CHMP4B: variants seen among roughly 807,000 people sequenced by gnomAD.
The protein encoded by CHMP4B is charged multivesicular body protein 4B, also known as SNF7 homolog associated with Alix 1.
Under a neutral mutation model 25.1 loss-of-function variants are expected in CHMP4B, and 1 was observed. The observed-to-expected ratio is 0.04, with a 90% CI of 0.01 to 0.19. The LOEUF (loss-of-function observed/expected upper bound fraction) is 0.19. Ranked by LOEUF, CHMP4B falls within the 10% of genes least tolerant of loss-of-function variation. The pLI, the probability that CHMP4B is intolerant of heterozygous loss-of-function variation, is 1.00. For synonymous variants in CHMP4B, 101 were observed against 115.6 expected (o/e 0.87, Z 0.81); for missense variants, 151 against 289.7 (o/e 0.52, Z 3.48).
intron 1 of CHMP4B, 51 bp from the exon 2 acceptor site, chr20:33,848,416 A>C (rs750299005): frequency 6.3e-7 from 1 of 1,595,582 alleles, no homozygotes. Flanking sequence ...TGACACTAGA[A>C]CCTCACCCTG....
chr20:33,819,990 AC>A (rs1403041943), intron 1 of CHMP4B, among the ~76,000 whole-genome samples: 1 of 150,214 alleles, frequency 6.7e-6, no homozygotes, highest in African/African-American at 2.5e-5. Context: ...ACATGGTGAA[AC>A]CCCATCTCTA....
chr20:33,821,833 C>T (rs977646482), intron 1 of CHMP4B, among the ~76,000 whole-genome samples: 1 of 151,906 alleles, frequency 6.6e-6, no homozygotes, highest in Non-Finnish European at 1.5e-5. Context: ...TTCTTTCTTT[C>T]TTTCTTTGTC....
chr20:33,842,710 C>G (rs1157921126), intron 1 of CHMP4B, among the ~76,000 whole-genome samples: 1 of 152,196 alleles, frequency 6.6e-6, no homozygotes, highest in Admixed American at 6.5e-5. Context: ...AAAGCAGCAG[C>G]CCTCTTCCCT....
chr20:33,853,254 C>T (rs1180857315), intron 4 of CHMP4B, among the ~76,000 whole-genome samples: 1 of 152,160 alleles, frequency 6.6e-6, no homozygotes, highest in East Asian at 1.9e-4. Flanking sequence ...GTGTAGAATC[C>T]TTGTTTTGTC....
chr20:33,846,021 T>G (rs777432966), intron 1 of CHMP4B, among the ~76,000 whole-genome samples: 1 of 152,112 alleles, frequency 6.6e-6, no homozygotes, highest in Non-Finnish European at 1.5e-5. Flanking sequence ...CTACTGAGGA[T>G]TTTTCAGCAA....
chr20:33,811,916 CT>C (rs1208331521), intron 1 of CHMP4B, among the ~76,000 whole-genome samples: 1 of 152,174 alleles, frequency 6.6e-6, no homozygotes, highest in Non-Finnish European at 1.5e-5. Context: ...AGACCCCAAT[CT>C]CACAGCACTT....
chr20:33,853,787 T>G lies in CHMP4B; in HGVS notation c.*227T>G. Reference sequence around the variant, plus strand: ...GGGCGGGGTGGGAAGTGCCTGCTGTTTATAATGTTGAATTTCTGTAAAATA... The same window carrying G: ...GGGCGGGGTGGGAAGTGCCTGCTGTGTATAATGTTGAATTTCTGTAAAATA... On this transcript the variant is annotated 3_prime_UTR_variant, in exon 5 of 5. Coordinates refer to ENST00000217402, the MANE Select transcript of CHMP4B (RefSeq NM_176812.5). The G allele has an allele frequency of 1.9e-6, 1 of 521,282 alleles. No individual in the cohort carries two copies. Among genetic ancestry groups the G allele is most frequent in the Admixed American group, 3.1e-5 (1 of 31,798 alleles). 32.3% of individuals were successfully genotyped at this position (521,282 alleles called of 1,614,324 possible). A position where few individuals can be genotyped will look rare whatever the true frequency, so the allele number is the denominator to read the frequency against.
rs1052212073 is a variant in CHMP4B at position 33,853,605 on chromosome 20, C to T, written c.*45C>T. The T allele has an allele frequency of 1.4e-5, 22 of 1,566,934 alleles. No individual in the cohort carries two copies. The South Asian group carries it at 1.4e-4, about 10-fold the overall frequency. On this transcript the variant is annotated 3_prime_UTR_variant, in exon 5 of 5. Transcript: ENST00000217402. ...GGCCCAGACAGACTGTGGTGGCCTG[C>T]GCAGCGAGCAGGCGTGTGCGTGTGT...
At chr20:33,822,694 G>A (rs867875018) in intron 1 of CHMP4B, among the ~76,000 whole-genome samples, 58 of 152,180 alleles carry the variant, frequency 3.8e-4, no homozygotes, top group African/African-American at 1.4e-3. Context: ...TCACAGCTGC[G>A]GACAGCCCTC....
At chr20:33,819,760 C>T (rs1390965510) in intron 1 of CHMP4B, among the ~76,000 whole-genome samples, 3 of 152,184 alleles carry the variant, frequency 2.0e-5, no homozygotes, top group African/African-American at 7.2e-5. Flanking sequence ...CAGGGTAAGC[C>T]TCCTCATGTC....
At chr20:33,845,483 C>T (rs932075328) in intron 1 of CHMP4B, among the ~76,000 whole-genome samples, 26 of 151,998 alleles carry the variant, frequency 1.7e-4, no homozygotes, top group Non-Finnish European at 3.5e-4. Context: ...CCACCATGTC[C>T]GGCTAATTTT....
intron 1 of CHMP4B, among the ~76,000 whole-genome samples, chr20:33,845,050 C>T (rs1006389039): frequency 1.3e-4 from 19 of 151,984 alleles, no homozygotes; most frequent in East Asian, 2.0e-4. Context: ...TGAGCCACCG[C>T]GCCCGGCCGA....
At chr20:33,846,720 G>A (rs553822559) in intron 1 of CHMP4B, among the ~76,000 whole-genome samples, 1 of 152,174 alleles carries the variant, frequency 6.6e-6, no homozygotes, top group Non-Finnish European at 1.5e-5. Context: ...ACAGCCTCAT[G>A]GGGGAGGGGG....
chr20:33,844,243 G>A (rs1453647728), intron 1 of CHMP4B, among the ~76,000 whole-genome samples: 5 of 152,210 alleles, frequency 3.3e-5, no homozygotes, highest in African/African-American at 7.2e-5. Flanking sequence ...TCAGTAAGAC[G>A]TCAATTCTGT....
Position 33,811,359 on chromosome 20 carries a change from C to A in CHMP4B, c.-110C>A. The A allele has an allele frequency of 1.1e-6, 1 of 940,784 alleles. No homozygotes were observed. Among genetic ancestry groups the A allele is most frequent in the Non-Finnish European group, 1.4e-6 (1 of 727,366 alleles). The allele number at this position is 940,784 out of a possible 1,614,324, so 58.3% of individuals were successfully genotyped here. ...GAGGCGGAGGCGGAGGAGAGGCCTG[C>A]GGCGGCAGGGAGCGGCGGGACTGGG... is the stretch of plus-strand genomic sequence containing the variant. On this transcript the variant is annotated 5_prime_UTR_variant, in exon 1 of 5. Coordinates refer to ENST00000217402, the MANE Select transcript of CHMP4B (RefSeq NM_176812.5).
intron 1 of CHMP4B, among the ~76,000 whole-genome samples, chr20:33,815,880 C>T (rs1440111408): frequency 2.6e-5 from 4 of 152,196 alleles, no homozygotes; most frequent in Non-Finnish European, 5.9e-5. Context: ...GTTCATTAAA[C>T]ACTCAGTTCA....
chr20:33,821,611 C>T (rs537229177), intron 1 of CHMP4B, among the ~76,000 whole-genome samples: 6 of 151,958 alleles, frequency 3.9e-5, no homozygotes, highest in African/African-American at 1.4e-4. Flanking sequence ...GAGACATTGA[C>T]TGACAAGACT....
intron 1 of CHMP4B, among the ~76,000 whole-genome samples, chr20:33,814,467 TAAA>T (rs1462759663): frequency 6.6e-6 from 1 of 151,974 alleles, no homozygotes; most frequent in Admixed American, 6.5e-5. Flanking sequence ...GGGGGAAGGA[TAAA>T]GAAGACTTGG....
chr20:33,846,102 C>T (rs2029939193), intron 1 of CHMP4B, among the ~76,000 whole-genome samples: 2 of 152,276 alleles, frequency 1.3e-5, no homozygotes, highest in Middle Eastern at 3.4e-3. Context: ...CATGACTGGA[C>T]GATCCCTCCA....
Sources: gnomAD v4.1 joint callset for allele counts (sites outside exome capture counted in the v4.1 genomes callset) on GRCh38, gnomAD v4.1.1 for gene constraint, MANE v1.5 for transcripts, NCBI Gene and HGNC (gene_info 2026-07-23, HGNC 2026-07-21) for gene names.